PDE2A: variants seen among roughly 807,000 people sequenced by gnomAD.
The protein encoded by PDE2A is cGMP-dependent 3',5'-cyclic phosphodiesterase.
Under a neutral mutation model 133.6 loss-of-function variants are expected in PDE2A, and 53 were observed. The observed-to-expected ratio is 0.40, with a 90% confidence interval of 0.32 to 0.50. PDE2A has a LOEUF of 0.50. Ranked by LOEUF, PDE2A falls within the 20% of genes least tolerant of loss-of-function variation. PDE2A has a pLI of 0.73. For synonymous variants in PDE2A, 491 were observed against 490.2 expected (o/e 1.00, Z -0.02); for missense variants, 796 against 1,232.4 (o/e 0.65, Z 5.30).
At chr11:72,650,876 T>TAC (rs58905066) in intron 1 of PDE2A, among the ~76,000 whole-genome samples, 12,577 of 130,034 alleles carry the variant, frequency 0.097, 706 homozygotes, top group Middle Eastern at 0.14. Context: ...CAGTCCCCAC[T>TAC]ACACACACAC....
At chr11:72,655,449 G>A (rs987174388) in intron 1 of PDE2A, among the ~76,000 whole-genome samples, 3 of 152,218 alleles carry the variant, frequency 2.0e-5, no homozygotes, top group Non-Finnish European at 2.9e-5. Context: ...TGGTACAAGA[G>A]CCAAAATGGT....
At chr11:72,629,550 C>A (rs1177734820) in intron 2 of PDE2A, among the ~76,000 whole-genome samples, 2 of 152,222 alleles carry the variant, frequency 1.3e-5, no homozygotes, top group East Asian at 3.9e-4. Context: ...ATGTGGCTTT[C>A]CAGGCCCTCC....
rs1856212329 is a variant in PDE2A, at chr11:72,590,801, A to G, written c.550-221T>C. 2 of 446,920 alleles carry G rather than the reference A, an allele frequency of 4.5e-6. No individual in the cohort carries two copies. Among genetic ancestry groups the G allele is most frequent in the Non-Finnish European group, 7.8e-6 (2 of 256,878 alleles). 27.7% of individuals were successfully genotyped at this position (446,920 alleles called of 1,614,324 possible). On this transcript the variant is annotated intron_variant, in intron 7 of 30. Coordinates refer to ENST00000334456, the MANE Select transcript of PDE2A (RefSeq NM_002599.5). This position sits in a 1 kb window ranked among gnomAD's most constrained non-coding sequence, Gnocchi z 4.8. The stretch of plus-strand genomic sequence containing the variant: ...CGGCGGTCCAGGAACAGGAGGGTAC[A>G]GGGTCTATCTCCATCCCTAGCCCCT...
At chr11:72,610,823 T>C (rs1365467613) in intron 2 of PDE2A, among the ~76,000 whole-genome samples, 1 of 152,160 alleles carries the variant, frequency 6.6e-6, no homozygotes, top group Non-Finnish European at 1.5e-5. Flanking sequence ...ACACCATCCA[T>C]GTGCGCACAC....
At chr11:72,591,916 G>A (rs1203438074) in intron 6 of PDE2A, among the ~76,000 whole-genome samples, 1 of 152,230 alleles carries the variant, frequency 6.6e-6, no homozygotes, top group Non-Finnish European at 1.5e-5. Context: ...CACCTGGCAG[G>A]CAAGCCATGG....
chr11:72,633,095 T>C (rs989511066), intron 2 of PDE2A, among the ~76,000 whole-genome samples: 5 of 152,212 alleles, frequency 3.3e-5, no homozygotes, highest in African/African-American at 4.8e-5. Flanking sequence ...CCTGGAGGCC[T>C]GGACTCCATA....
Position 72,590,163 on chromosome 11 carries a change from A to T in PDE2A, c.756+29T>A. On this transcript the variant is annotated intron_variant, in intron 9 of 30. Coordinates refer to ENST00000334456, the MANE Select transcript of PDE2A (RefSeq NM_002599.5). The surrounding 1 kb of genome is among the most constrained non-coding windows in gnomAD (Gnocchi z 4.8). ...GTCCCCGGAGGGAGACAGGACGGGG[A>T]GGTGGCCGGCAGGGGCGCAGGGACT... 2 of 1,538,020 alleles carry T rather than the reference A, an allele frequency of 1.3e-6. No individual in the cohort carries two copies. Among genetic ancestry groups the T allele is most frequent in the Non-Finnish European group, 1.8e-6 (2 of 1,136,048 alleles).
intron 23 of PDE2A, 146 bp downstream of exon 23, chr11:72,581,211 C>A (rs1298968422): frequency 1.2e-6 from 1 of 842,382 alleles, no homozygotes; most frequent in Non-Finnish European, 1.9e-6. Context: ...GAAGATGGGG[C>A]TCACAGCCTT....
intron 1 of PDE2A, among the ~76,000 whole-genome samples, chr11:72,670,881 T>C (rs1370245754): frequency 7.2e-6 from 1 of 139,032 alleles, no homozygotes; most frequent in African/African-American, 2.5e-5. Context: ...GAACATCCTA[T>C]GTCCGGGGGT....
intron 2 of PDE2A, among the ~76,000 whole-genome samples, chr11:72,622,540 A>G (rs1470985157): frequency 6.6e-6 from 1 of 152,254 alleles, no homozygotes; most frequent in Non-Finnish European, 1.5e-5. Flanking sequence ...GTCACATGCT[A>G]CAACATGGGT....
intron 14 of PDE2A, 103 bp from the exon 15 acceptor site, chr11:72,585,696 A>G (rs917006009): frequency 2.6e-5 from 25 of 980,130 alleles, no homozygotes; most frequent in Non-Finnish European, 4.0e-5. Context: ...TTCCTTCCCT[A>G]GGGCTCACTG....
chr11:72,590,009 GGTGACCGCGGA>G lies in PDE2A; in HGVS notation c.757-39_757-29del. On this transcript the variant is annotated intron_variant, in intron 9 of 30. Transcript: ENST00000334456. The surrounding 1 kb of genome is among the most constrained non-coding windows in gnomAD (Gnocchi z 4.8). ...GAGAGAGGGACAGGCAGGGCGAGGG[GGTGACCGCGGA>G]TCCGGGTCACCCCACTCCCCACCTG... 6.3e-7 allele frequency: 1 copy of G among 1,591,974 alleles called. No homozygotes were observed. Among genetic ancestry groups the G allele is most frequent in the Non-Finnish European group, 8.6e-7 (1 of 1,166,940 alleles).
intron 1 of PDE2A, among the ~76,000 whole-genome samples, chr11:72,667,653 C>T (rs1591148567): frequency 1.3e-5 from 2 of 152,132 alleles, no homozygotes; most frequent in East Asian, 3.8e-4. Context: ...TGTGATATTA[C>T]AGCACAGCTC....
At chr11:72,585,282 G>A in intron 16 of PDE2A, 89 bp downstream of exon 16, 1 of 1,094,436 alleles carries the variant, frequency 9.1e-7, no homozygotes, top group Non-Finnish European at 1.4e-6. Flanking sequence ...AGAAGGCAGA[G>A]AAAGGGAAGT....
At position 72,585,551 on chromosome 11, in the gene PDE2A, C is replaced by T; in HGVS notation, c.1222+3G>A. On this transcript the variant is annotated splice_donor_region_variant and intron_variant, in intron 15 of 30. Coordinates refer to ENST00000334456, the MANE Select transcript of PDE2A (RefSeq NM_002599.5). ...AGCCAGGCAGAGAGAACAGTGCACT[C>T]ACCCAGGTGGGTGAAGAGGTTCTTT... 2 of 1,614,162 alleles carry T rather than the reference C, an allele frequency of 1.2e-6. No individual in the cohort carries two copies. The highest frequency in any genetic ancestry group is 1.7e-6 in the Non-Finnish European group (2 of 1,179,980).
At chr11:72,655,521 G>T (rs957721872) in intron 1 of PDE2A, among the ~76,000 whole-genome samples, 1 of 151,120 alleles carries the variant, frequency 6.6e-6, no homozygotes. Context: ...GTGTGTGTGT[G>T]TGCATGTGTG....
Position 72,674,170 on chromosome 11 carries a change from C to T in PDE2A, c.38G>A (p.Ser13Asn). ...CGGTCGCGCTGCCGGGTACTGCTGG[C>T]TCCTGCAGAGGATGGAGTGGCCGCA... ...QACGHSILCRSQQYPAARPAE... is the reference protein window; with the variant it reads ...QACGHSILCRNQQYPAARPAE... The change falls in exon 1 of 31, where the codon AGC (serine) becomes AAC (asparagine). Residue 13 changes from serine to asparagine, a missense_variant. Ser to Asn is a conservative substitution (Grantham distance 46). This residue lies in a region of PDE2A where 417 missense variants were observed against 475.3 expected (regional missense o/e 0.88). Coordinates refer to ENST00000334456, the MANE Select transcript of PDE2A (RefSeq NM_002599.5). 1 of 1,612,934 alleles carries T rather than the reference C, an allele frequency of 6.2e-7. No homozygotes were observed.
chr11:72,581,873 G>A lies in PDE2A; in HGVS notation c.1922+4C>T, dbSNP rs746731679. ...AGACTGGGGCTGTCTGTGGGCGCAC[G>A]AACCGGGCCAGGGTCGGGCAGTCAA... On this transcript the variant is annotated splice_donor_region_variant and intron_variant, in intron 22 of 30. Coordinates refer to ENST00000334456, the MANE Select transcript of PDE2A (RefSeq NM_002599.5). The A allele has an allele frequency of 1.8e-5, 29 of 1,613,510 alleles. No individual in the cohort carries two copies. Among genetic ancestry groups the A allele is most frequent in the African/African-American group, 5.3e-5 (4 of 74,886 alleles).
At chr11:72,620,298 C>A (rs925766244) in intron 2 of PDE2A, among the ~76,000 whole-genome samples, 4 of 152,172 alleles carry the variant, frequency 2.6e-5, no homozygotes, top group Non-Finnish European at 5.9e-5. Context: ...TCTCCACCTA[C>A]CCCTCAGTGC....
Sources: allele counts gnomAD v4.1 joint callset (sites outside exome capture counted in the v4.1 genomes callset), GRCh38; gene constraint gnomAD v4.1.1; regional missense constraint gnomAD v4.1.1; non-coding constraint Gnocchi (gnomAD v3.1); transcripts MANE v1.5; gene names NCBI Gene and HGNC (gene_info 2026-07-23, HGNC 2026-07-21).